FGF12: variants seen among roughly 807,000 people sequenced by gnomAD.
FGF12 encodes fibroblast growth factor 12, also known as fibroblast growth factor 12B.
A neutral mutation model predicts 23.6 loss-of-function variants in FGF12; 14 were observed. The ratio of observed to expected loss-of-function variants is 0.59; its 90% CI spans 0.39 to 0.93. FGF12 has a LOEUF of 0.93. Ranked by LOEUF, FGF12 falls within the 40% of genes least tolerant of loss-of-function variation. The pLI is 0.00. For synonymous variants in FGF12, 62 were observed against 77.3 expected, an observed-to-expected ratio of 0.80 and a Z score of 1.04; for missense variants, 175 against 217.8, an observed-to-expected ratio of 0.80 and a Z score of 1.24.
At position 192,248,432 on chromosome 3, in the gene FGF12, G is replaced by A. The variant is rs538557691; in HGVS notation, c.229-77776C>T. Among the ~76,000 whole-genome samples, 3 of 152,274 alleles carry A rather than the reference G, an allele frequency of 2.0e-5. No individual in the cohort carries two copies. In the South Asian group the frequency reaches 6.2e-4, roughly 32 times the overall value. Reference sequence around the variant, plus strand: ...TTCATGTTGCACAATTACTAACACTGAATATACTTATCACATTCTCTGGCA... The same window carrying A: ...TTCATGTTGCACAATTACTAACACTAAATATACTTATCACATTCTCTGGCA... On this transcript the variant is annotated intron_variant, in intron 4 of 5. Coordinates refer to ENST00000445105, the MANE Select transcript of FGF12 (RefSeq NM_004113.6).
At chr3:192,678,562 C>A (rs6801404) in intron 2 of FGF12, among the ~76,000 whole-genome samples, 22 of 152,294 alleles carry the variant, frequency 1.4e-4, no homozygotes. Flanking sequence ...AGTTTCTCAT[C>A]GATGACAATT....
At chr3:192,305,679 A>AAAAAATATATAT (rs1423738741) in intron 4 of FGF12, among the ~76,000 whole-genome samples, 10 of 131,936 alleles carry the variant, frequency 7.6e-5, no homozygotes, top group African/African-American at 3.0e-4. Flanking sequence ...AAAAAAAAAA[A>AAAAAATATATAT]ATATATATAT....
chr3:192,616,845 T>C (rs1714773962), intron 2 of FGF12, among the ~76,000 whole-genome samples: 2 of 151,698 alleles, frequency 1.3e-5, no homozygotes, highest in Admixed American at 1.3e-4. Flanking sequence ...ATCCACTCTT[T>C]AGAGAGTTAA....
chr3:192,608,956 A>G (rs552325581), intron 2 of FGF12, among the ~76,000 whole-genome samples: 2 of 152,214 alleles, frequency 1.3e-5, no homozygotes, highest in East Asian at 3.9e-4. Flanking sequence ...AAAGAGGAGG[A>G]TACTAAAAAA....
At chr3:192,294,577 C>T (rs1257557908) in intron 4 of FGF12, among the ~76,000 whole-genome samples, 2 of 152,128 alleles carry the variant, frequency 1.3e-5, no homozygotes, top group African/African-American at 4.8e-5. Context: ...GATATCAGAT[C>T]ATATAAAAGC....
intron 4 of FGF12, among the ~76,000 whole-genome samples, chr3:192,276,559 A>G (rs951948246): frequency 3.9e-5 from 6 of 152,044 alleles, no homozygotes; most frequent in Non-Finnish European, 8.8e-5. Flanking sequence ...AATACCCCCA[A>G]CTGAAGGCCT....
At chr3:192,273,126 C>T (rs1400646948) in intron 4 of FGF12, among the ~76,000 whole-genome samples, 1 of 152,144 alleles carries the variant, frequency 6.6e-6, no homozygotes, top group African/African-American at 2.4e-5. Context: ...AGGGGATTTA[C>T]TCCTTTCATA....
At chr3:192,565,589 G>A (rs1226902091) in intron 2 of FGF12, among the ~76,000 whole-genome samples, 1 of 152,150 alleles carries the variant, frequency 6.6e-6, no homozygotes, top group Non-Finnish European at 1.5e-5. Flanking sequence ...GGTTTTTGTA[G>A]CCTAGGAGCC....
At chr3:192,330,949 T>G (rs1039439125) in intron 4 of FGF12, among the ~76,000 whole-genome samples, 1 of 151,868 alleles carries the variant, frequency 6.6e-6, no homozygotes, top group East Asian at 1.9e-4. Context: ...TATTTGCAAA[T>G]CATATATCTG....
intron 3 of FGF12, among the ~76,000 whole-genome samples, chr3:192,343,306 A>G (rs6779797): frequency 0.036 from 5,501 of 152,248 alleles, 340 homozygotes; most frequent in African/African-American, 0.12. Context: ...TGAAAATTCA[A>G]TATCATTTCC....
intron 4 of FGF12, among the ~76,000 whole-genome samples, chr3:192,318,840 G>A (rs1293243424): frequency 6.6e-6 from 1 of 152,018 alleles, no homozygotes; most frequent in African/African-American, 2.4e-5. Context: ...AAAGCAGGAA[G>A]AGGAAAAAAG....
chr3:192,656,984 G>A (rs75757558), intron 2 of FGF12, among the ~76,000 whole-genome samples: 4,781 of 152,138 alleles, frequency 0.031, 274 homozygotes, highest in African/African-American at 0.11. Context: ...AAAGTCTCAC[G>A]GCCAAGGTCA....
intron 2 of FGF12, among the ~76,000 whole-genome samples, chr3:192,457,086 C>T (rs1277640246): frequency 6.6e-6 from 1 of 152,192 alleles, no homozygotes; most frequent in Non-Finnish European, 1.5e-5. Flanking sequence ...CCCATTTTCT[C>T]TTGCCACTGG....
intron 2 of FGF12, among the ~76,000 whole-genome samples, chr3:192,561,474 TGCCTCAGC>T (rs1164507505): frequency 1.3e-5 from 2 of 152,102 alleles, no homozygotes; most frequent in East Asian, 3.9e-4. Context: ...GCGATTCTCC[TGCCTCAGC>T]CTTCTGAGTA....
intron 2 of FGF12, among the ~76,000 whole-genome samples, chr3:192,595,558 C>T (rs969147034): frequency 1.3e-5 from 2 of 152,202 alleles, no homozygotes; most frequent in African/African-American, 2.4e-5. Context: ...TATTAAAACA[C>T]AGATTGCTGG....
chr3:192,262,096 A>G (rs1430078019), intron 4 of FGF12, among the ~76,000 whole-genome samples: 1 of 152,174 alleles, frequency 6.6e-6, no homozygotes, highest in Non-Finnish European at 1.5e-5. Context: ...TAAAATTCAC[A>G]TTTATTTAAA....
intron 2 of FGF12, among the ~76,000 whole-genome samples, chr3:192,571,209 C>T (rs1352646892): frequency 6.6e-6 from 1 of 152,200 alleles, no homozygotes; most frequent in East Asian, 1.9e-4. Context: ...CCTGGAAAGG[C>T]AACAATGACT....
chr3:192,536,787 T>C (rs1460741520), intron 2 of FGF12, among the ~76,000 whole-genome samples: 1 of 152,156 alleles, frequency 6.6e-6, no homozygotes, highest in African/African-American at 2.4e-5. Flanking sequence ...CAGGCATTTA[T>C]CCTTTCTTTT....
intron 4 of FGF12, among the ~76,000 whole-genome samples, chr3:192,252,657 C>T (rs1263930797): frequency 4.6e-5 from 7 of 151,824 alleles, no homozygotes. Context: ...AACTCTTTGA[C>T]AAATAATCAC....
Sources: allele counts gnomAD v4.1 joint callset (sites outside exome capture counted in the v4.1 genomes callset), GRCh38; gene constraint gnomAD v4.1.1; transcripts MANE v1.5; gene names NCBI Gene and HGNC (gene_info 2026-07-23, HGNC 2026-07-21).